The following XDH variants were observed in gnomAD, a reference collection of about 807,000 sequenced individuals.
XDH encodes xanthine dehydrogenase, also known as xanthine dehydrogenase/oxidase.
XDH carries 138 observed loss-of-function variants against 156.1 expected under a neutral mutation model. The observed-to-expected ratio is 0.88, with a 90% CI of 0.77 to 1.02. XDH has a LOEUF of 1.02. XDH is among the 50% of genes least tolerant of loss of function. The pLI is 0.00. For synonymous variants in XDH, 669 were observed against 625.7 expected (o/e 1.07, Z -1.03); for missense variants, 1,849 against 1,684.9 (o/e 1.10, Z -1.71).
chr2:31,378,377 C>T (rs1686336878), intron 13 of XDH, among the ~76,000 whole-genome samples: 1 of 152,094 alleles, frequency 6.6e-6, no homozygotes, highest in South Asian at 2.1e-4. Context: ...GTGTCAGGTT[C>T]CTTTTGAGGT....
rs1376855049 is a variant in XDH at position 31,369,516 on chromosome 2, T to TG, written c.1980+838dup. 1.4e-4 allele frequency among the ~76,000 whole-genome samples: 21 copies of TG among 152,270 alleles called. No homozygotes were observed. The East Asian group carries it at 3.9e-3, about 28-fold the overall frequency. On this transcript the variant is annotated intron_variant, in intron 18 of 35. Coordinates refer to ENST00000379416, the MANE Select transcript of XDH (RefSeq NM_000379.4). Reference sequence around the variant, plus strand: ...AATAGGAACCAACAATTAGTATGCATGTCTCTGATAATTATCTCTTATGGC... The same window carrying TG: ...AATAGGAACCAACAATTAGTATGCATGGTCTCTGATAATTATCTCTTATGGC...
At chr2:31,343,650 T>C (rs569538932) in intron 31 of XDH, among the ~76,000 whole-genome samples, 2 of 144,532 alleles carry the variant, frequency 1.4e-5, no homozygotes, top group Non-Finnish European at 3.0e-5. Flanking sequence ...TGTGTGTACA[T>C]ATGTTTATAC....
chr2:31,392,604 T>C (rs2147998914), intron 6 of XDH, among the ~76,000 whole-genome samples: 1 of 152,126 alleles, frequency 6.6e-6, no homozygotes. Flanking sequence ...TTTGTATTTT[T>C]AGTAGAAACA....
In XDH at chr2:31,373,863, C is replaced by A. The variant is rs1170386287; in HGVS notation, c.1686+10G>T. The stretch of plus-strand genomic sequence containing the variant: ...TCCCCTGATATTAGCCATACACTGA[C>A]CGTACTCACTTGGAAGAGCTGGACA... On this transcript the variant is annotated intron_variant, in intron 16 of 35. Coordinates refer to ENST00000379416, the MANE Select transcript of XDH (RefSeq NM_000379.4). The A allele has an allele frequency of 1.2e-6, 2 of 1,613,586 alleles. No individual in the cohort carries two copies. Among genetic ancestry groups the A allele is most frequent in the Middle Eastern group, 1.7e-4 (1 of 6,058 alleles).
chr2:31,362,061 T>G (rs980171650), intron 24 of XDH, among the ~76,000 whole-genome samples: 17 of 152,176 alleles, frequency 1.1e-4, no homozygotes, highest in African/African-American at 4.1e-4. Flanking sequence ...TACAAATATA[T>G]ATATATATAT....
chr2:31,403,554 C>T (rs1487632214), intron 2 of XDH, among the ~76,000 whole-genome samples: 1 of 152,174 alleles, frequency 6.6e-6, no homozygotes, highest in Non-Finnish European at 1.5e-5. Context: ...CCACTTGGGC[C>T]AGAATGAGAC....
intron 20 of XDH, among the ~76,000 whole-genome samples, chr2:31,367,495 G>A (rs1345635740): frequency 6.6e-6 from 1 of 152,206 alleles, no homozygotes; most frequent in Non-Finnish European, 1.5e-5. Context: ...GTAGTCAGCT[G>A]TGTTGTCCTG....
At chr2:31,363,030 G>A (rs180957500) in intron 24 of XDH, among the ~76,000 whole-genome samples, 1 of 152,308 alleles carries the variant, frequency 6.6e-6, no homozygotes, top group Non-Finnish European at 1.5e-5. Context: ...AATATAGATG[G>A]GCCGGATGCA....
chr2:31,353,505 AG>A (rs1685542537), intron 24 of XDH, among the ~76,000 whole-genome samples: 1 of 152,214 alleles, frequency 6.6e-6, no homozygotes, highest in Admixed American at 6.5e-5. Context: ...GGAAAAAAAA[AG>A]GCAGTCCCAG....
At chr2:31,354,608 G>A (rs1480471309) in intron 24 of XDH, among the ~76,000 whole-genome samples, 1 of 152,122 alleles carries the variant, frequency 6.6e-6, no homozygotes, top group African/African-American at 2.4e-5. Flanking sequence ...AACCTAATGG[G>A]CCTTTCAGAA....
intron 22 of XDH, 126 bp from the exon 23 acceptor site, chr2:31,365,670 G>A (rs1685894866): frequency 1.7e-6 from 2 of 1,167,102 alleles, no homozygotes; most frequent in Admixed American, 3.6e-5. Context: ...CCTGTACAGG[G>A]CTGCTTTGCC....
rs929049885 is a variant in XDH, at chr2:31,368,150, G to C, written c.2101-93C>G. The C allele has an allele frequency of 1.2e-5, 14 of 1,151,688 alleles. No homozygotes were observed. In the African/African-American group the frequency reaches 2.0e-4, roughly 16 times the overall value. The allele number at this position is 1,151,688 out of a possible 1,614,324, so 71.3% of individuals were successfully genotyped here. On this transcript the variant is annotated intron_variant, in intron 19 of 35. Transcript: ENST00000379416. Reference sequence around the variant, plus strand: ...GGAAAGAGAAGCTCTCTGAATTGTTGACTCTCTCTTTCCATAAATGAATCT... The same window carrying C: ...GGAAAGAGAAGCTCTCTGAATTGTTCACTCTCTCTTTCCATAAATGAATCT...
chr2:31,379,855 C>T lies in XDH; in HGVS notation c.1242+12G>A. On this transcript the variant is annotated intron_variant, in intron 13 of 35. Transcript: ENST00000379416. ...ATTTGAGCAGAGCCTGGAACCACTT[C>T]CAACATCTCACCTCCCTGCTGTAGG... is the stretch of plus-strand genomic sequence containing the variant. 6.2e-7 allele frequency: 1 copy of T among 1,613,698 alleles called. No individual in the cohort carries two copies. The highest frequency in any genetic ancestry group is 1.1e-5 in the South Asian group (1 of 91,070).
intron 12 of XDH, among the ~76,000 whole-genome samples, chr2:31,380,407 G>A (rs1176138631): frequency 6.6e-6 from 1 of 152,208 alleles, no homozygotes; most frequent in Non-Finnish European, 1.5e-5. Flanking sequence ...CCATGATGGA[G>A]CAGCTCACTG....
intron 11 of XDH, among the ~76,000 whole-genome samples, chr2:31,382,452 G>A (rs1362415497): frequency 1.3e-5 from 2 of 152,196 alleles, no homozygotes; most frequent in African/African-American, 2.4e-5. Flanking sequence ...CTGTTGTGAA[G>A]AGCTTCCATT....
rs1408816100 is a variant in XDH at position 31,348,879 on chromosome 2, C to G, written c.3051+20G>C. ...GGTCCCAGTCCAGCGGAGATGGACA[C>G]AATTCTATAAAGCAATTACCTGATT... On this transcript the variant is annotated intron_variant, in intron 27 of 35. Coordinates refer to ENST00000379416, the MANE Select transcript of XDH (RefSeq NM_000379.4). The G allele has an allele frequency of 6.2e-7, 1 of 1,606,846 alleles. No individual in the cohort carries two copies. Among genetic ancestry groups the G allele is most frequent in the African/African-American group, 1.3e-5 (1 of 74,864 alleles).
At chr2:31,389,548 G>C (rs1056837623) in intron 6 of XDH, 1 of 152,174 alleles carries the variant, frequency 6.6e-6, no homozygotes, top group Non-Finnish European at 1.5e-5. Context: ...GAGTGATGTA[G>C]GGAAATGCCC....
At chr2:31,352,475 A>G (rs1685512499) in intron 24 of XDH, among the ~76,000 whole-genome samples, 1 of 152,168 alleles carries the variant, frequency 6.6e-6, no homozygotes, top group Admixed American at 6.5e-5. Context: ...CTATGTCTCA[A>G]TTAATTCTAC....
At chr2:31,374,080 T>C (rs1165597500) in intron 15 of XDH, 124 bp from the exon 16 acceptor site, 1 of 995,426 alleles carries the variant, frequency 1.0e-6, no homozygotes, top group Non-Finnish European at 1.5e-6. Context: ...CATACGCCTT[T>C]GAGTGCTGGC....
Sources: allele counts gnomAD v4.1 joint callset (sites outside exome capture counted in the v4.1 genomes callset), GRCh38; gene constraint gnomAD v4.1.1; transcripts MANE v1.5; gene names NCBI Gene and HGNC (gene_info 2026-07-23, HGNC 2026-07-21).